Variants in ZC3H12B observed in about 807,000 individuals in gnomAD.
The protein encoded by ZC3H12B is zinc finger CCCH-type containing 12B.
ZC3H12B carries 7 observed loss-of-function variants against 43.9 expected under a neutral mutation model. The observed-to-expected ratio is 0.16, with a 90% confidence interval of 0.09 to 0.30. The LOEUF (loss-of-function observed/expected upper bound fraction) is 0.30. Ranked by LOEUF, ZC3H12B falls within the 10% of genes least tolerant of loss-of-function variation. The probability of loss-of-function intolerance (pLI) is 1.00; values close to 1 mark genes in which losing one functional copy is unlikely to be tolerated. For missense variants in ZC3H12B, 475 were observed against 670.2 expected, an observed-to-expected ratio of 0.71 and a Z score of 3.22; for synonymous variants, 222 against 241.7, an observed-to-expected ratio of 0.92 and a Z score of 0.76.
chrX:65,160,238 C>G, the ZC3H12B span, among the ~76,000 whole-genome samples: 2 of 111,649 alleles, frequency 1.8e-5, no homozygotes, highest in Admixed American at 9.6e-5. Context: ...TCGGTTGTGT[C>G]TCTACCCGGC....
the ZC3H12B span, among the ~76,000 whole-genome samples, chrX:65,233,888 C>T: frequency 1.8e-5 from 2 of 111,395 alleles, no homozygotes; most frequent in African/African-American, 6.5e-5. Context: ...AAAAAAGAGA[C>T]ATTACAGCGG....
chrX:65,426,896 A>G (rs929015398), intron 3 of ZC3H12B, among the ~76,000 whole-genome samples: 2 of 111,948 alleles, frequency 1.8e-5, no homozygotes, highest in Non-Finnish European at 3.8e-5. Flanking sequence ...TATGTGATCA[A>G]GAGGAAATAC....
the ZC3H12B span, among the ~76,000 whole-genome samples, chrX:65,350,119 G>T: frequency 9.1e-6 from 1 of 110,040 alleles, no homozygotes; most frequent in East Asian, 2.8e-4. Context: ...TACAATACTG[G>T]CAAACCGAGT....
At chrX:65,330,312 A>G in the ZC3H12B span, among the ~76,000 whole-genome samples, 3 of 111,631 alleles carry the variant, frequency 2.7e-5, no homozygotes, top group African/African-American at 9.8e-5. Flanking sequence ...GGGCTGAGAC[A>G]GTGGGGTTTT....
chrX:65,144,875 T>A, the ZC3H12B span, among the ~76,000 whole-genome samples: 1,090 of 111,838 alleles, frequency 9.7e-3, 16 homozygotes, highest in African/African-American at 0.034. Flanking sequence ...TTCAGGTTTG[T>A]TTTGTGGCCT....
the ZC3H12B span, among the ~76,000 whole-genome samples, chrX:65,103,432 C>T: frequency 3.6e-5 from 4 of 111,703 alleles, no homozygotes; most frequent in South Asian, 1.5e-3. Flanking sequence ...ATTGTTTAAA[C>T]ACACATGCTT....
intron 3 of ZC3H12B, among the ~76,000 whole-genome samples, chrX:65,399,364 G>A (rs1261105900): frequency 8.9e-6 from 1 of 111,947 alleles, no homozygotes; most frequent in Admixed American, 9.5e-5. Flanking sequence ...TTTTAAAATG[G>A]GTGAAAGTCC....
At chrX:65,040,909 T>C in the ZC3H12B span, among the ~76,000 whole-genome samples, 1 of 110,843 alleles carries the variant, frequency 9.0e-6, no homozygotes, top group African/African-American at 3.3e-5. Context: ...CTCAGCCTCC[T>C]GAGCAGCTGG....
intron 2 of ZC3H12B, among the ~76,000 whole-genome samples, chrX:65,369,695 T>A (rs2066219807): frequency 8.9e-6 from 1 of 111,934 alleles, no homozygotes; most frequent in Non-Finnish European, 1.9e-5. Flanking sequence ...ATAAAGCATC[T>A]ATGTTTTTTT....
chrX:65,143,208 G>C, the ZC3H12B span, among the ~76,000 whole-genome samples: 1 of 111,034 alleles, frequency 9.0e-6, no homozygotes, highest in African/African-American at 3.3e-5. Flanking sequence ...TCCTTGTAGA[G>C]CTCTTTCACG....
At chrX:65,469,089 A>T in intron 3 of ZC3H12B, 1 of 116,716 alleles carries the variant, frequency 8.6e-6, no homozygotes. Context: ...CTCGCTCTTT[A>T]AGGAGCTAGA....
the ZC3H12B span, among the ~76,000 whole-genome samples, chrX:65,170,950 G>A: frequency 9.0e-6 from 1 of 111,450 alleles, no homozygotes; most frequent in Non-Finnish European, 1.9e-5. Context: ...ATTTTTTCAA[G>A]GTTTTTAGCT....
the ZC3H12B span, among the ~76,000 whole-genome samples, chrX:65,113,076 T>C: frequency 2.7e-5 from 3 of 111,325 alleles, no homozygotes; most frequent in Admixed American, 9.6e-5. Context: ...TTCCAACCCT[T>C]ATGGATGACA....
chrX:65,222,741 A>G, the ZC3H12B span, among the ~76,000 whole-genome samples: 1 of 110,476 alleles, frequency 9.1e-6, no homozygotes, highest in Non-Finnish European at 1.9e-5. Context: ...TAGATGACAC[A>G]AAGAAATGGA....
chrX:65,234,713 G>C, the ZC3H12B span, among the ~76,000 whole-genome samples: 1 of 112,407 alleles, frequency 8.9e-6, no homozygotes, highest in East Asian at 2.8e-4. Flanking sequence ...TTAAGTTCCA[G>C]GATACATGTG....
At chrX:65,141,210 C>G in the ZC3H12B span, among the ~76,000 whole-genome samples, 1 of 110,112 alleles carries the variant, frequency 9.1e-6, no homozygotes, top group Non-Finnish European at 1.9e-5. Context: ...CTCTTAGAAC[C>G]GTTTTTGCTG....
At chrX:65,154,335 TACC>T in the ZC3H12B span, among the ~76,000 whole-genome samples, 1 of 112,455 alleles carries the variant, frequency 8.9e-6, no homozygotes. Flanking sequence ...TTGCATTTAT[TACC>T]ACATTTGTAA....
the ZC3H12B span, among the ~76,000 whole-genome samples, chrX:65,263,921 C>A: frequency 1.8e-5 from 2 of 111,265 alleles, no homozygotes; most frequent in African/African-American, 6.5e-5. Flanking sequence ...AAGTGCCCAT[C>A]AACCAATGAG....
intron 3 of ZC3H12B, among the ~76,000 whole-genome samples, chrX:65,411,586 C>T (rs774680317): frequency 3.6e-5 from 4 of 109,765 alleles, no homozygotes; most frequent in South Asian, 3.9e-4. Flanking sequence ...ATTAGCTGGG[C>T]GTGGTGGCAC....
Sources: allele counts gnomAD v4.1 joint callset (sites outside exome capture counted in the v4.1 genomes callset), GRCh38; gene constraint gnomAD v4.1.1; transcripts MANE v1.5; gene names NCBI Gene and HGNC (gene_info 2026-07-23, HGNC 2026-07-21).